Variants in ZFC3H1 observed in about 807,000 individuals in gnomAD.
ZFC3H1 encodes zinc finger C3H1 domain-containing protein.
Under a neutral mutation model 243.7 loss-of-function variants are expected in ZFC3H1, and 71 were observed. That is an observed-to-expected ratio of 0.29 (90% confidence interval 0.24 to 0.36). ZFC3H1 has a LOEUF of 0.36. Among genes scored for constraint, ZFC3H1 ranks in the 10% least tolerant of loss-of-function variants. The probability of loss-of-function intolerance (pLI) is 1.00; values close to 1 mark genes in which losing one functional copy is unlikely to be tolerated. For missense variants in ZFC3H1, 1,966 were observed against 2,317.1 expected (o/e 0.85, Z 3.11); for synonymous variants, 838 against 813.0 (o/e 1.03, Z -0.52).
chr12:71,653,327 A>C (rs1159015413), intron 2 of ZFC3H1, among the ~76,000 whole-genome samples: 1 of 152,228 alleles, frequency 6.6e-6, no homozygotes, highest in Non-Finnish European at 1.5e-5. Context: ...AAGATGTATC[A>C]GAGGAAATTT....
At chr12:71,614,294 T>C (rs1339342454) in intron 30 of ZFC3H1, among the ~76,000 whole-genome samples, 2 of 152,064 alleles carry the variant, frequency 1.3e-5, no homozygotes, top group Non-Finnish European at 2.9e-5. Flanking sequence ...TTCATTTTGC[T>C]TCAAATGTTA....
chr12:71,654,954 G>A (rs1354544860), intron 2 of ZFC3H1, among the ~76,000 whole-genome samples: 1 of 152,046 alleles, frequency 6.6e-6, no homozygotes, highest in Non-Finnish European at 1.5e-5. Context: ...ACTACATAAT[G>A]ACTCAATTAC....
At position 71,619,922 on chromosome 12, in the gene ZFC3H1, T is replaced by G; in HGVS notation, c.5049+4A>C. 1.3e-6 allele frequency: 2 copies of G among 1,575,484 alleles called. No individual in the cohort carries two copies. The highest frequency in any genetic ancestry group is 2.3e-5 in the South Asian group (2 of 85,732). ...CATATTTAAGAATTATGCATCATTT[T>G]TACCTGTAAGATGAAGAATTTGCAC... On this transcript the variant is annotated splice_donor_region_variant and intron_variant, in intron 26 of 34. Transcript: ENST00000378743.
At chr12:71,633,105 T>C in intron 13 of ZFC3H1, 88 bp from the exon 14 acceptor site, 1 of 1,435,292 alleles carries the variant, frequency 7.0e-7, no homozygotes, top group Non-Finnish European at 9.3e-7. Flanking sequence ...CTTTTGAGCA[T>C]TCAACTGAAA....
Position 71,663,159 on chromosome 12 carries a change from T to G in ZFC3H1, c.452A>C (p.Tyr151Ser). 1 of 1,613,966 alleles carries G rather than the reference T, an allele frequency of 6.2e-7. No individual in the cohort carries two copies. The highest frequency in any genetic ancestry group is 8.5e-7 in the Non-Finnish European group (1 of 1,179,980). Residue 151 changes from tyrosine to serine, a missense_variant, in exon 1 of 35, where the codon TAC (tyrosine) becomes TCC (serine). Physicochemically the swap from Tyr to Ser is moderately radical, Grantham distance 144 (BLOSUM62 -2). Transcript: ENST00000378743. ...LDRFRFRGRP[Y>S]RGGSRWSRGR... is the part of the protein sequence containing the mutation. ...CCGACTCCAGCGACTCCCACCCCGG[T>G]AAGGCCTGCCTCGAAAGCGGAAACG...
intron 15 of ZFC3H1, 39 bp from the exon 16 acceptor site, chr12:71,631,926 C>G (rs372991527): frequency 1.2e-6 from 2 of 1,605,810 alleles, no homozygotes; most frequent in South Asian, 1.1e-5. Context: ...GCAAATAAGG[C>G]TGGGTGAATT....
chr12:71,613,990 ATTT>A (rs1592582044), intron 30 of ZFC3H1, among the ~76,000 whole-genome samples: 2 of 152,140 alleles, frequency 1.3e-5, no homozygotes, highest in East Asian at 3.9e-4. Context: ...CTGAAAAAAA[ATTT>A]TTTTAAAAGA....
intron 24 of ZFC3H1, among the ~76,000 whole-genome samples, chr12:71,620,682 T>C (rs1397420413): frequency 6.6e-6 from 1 of 152,234 alleles, no homozygotes; most frequent in African/African-American, 2.4e-5. Flanking sequence ...CATCTTTCCC[T>C]GACCACTGCA....
At chr12:71,637,746 G>GT (rs1248130876) in intron 7 of ZFC3H1, among the ~76,000 whole-genome samples, 11 of 151,976 alleles carry the variant, frequency 7.2e-5, no homozygotes, top group African/African-American at 2.4e-4. Flanking sequence ...CACCATATAT[G>GT]TTCTAGAAAG....
At chr12:71,611,727 A>G in intron 32 of ZFC3H1, 59 bp downstream of exon 32, 1 of 984,444 alleles carries the variant, frequency 1.0e-6, no homozygotes. Flanking sequence ...ACCTGTCTGG[A>G]GCAAACCTTA....
At chr12:71,622,390 CTATAA>C (rs1880052918) in intron 24 of ZFC3H1, among the ~76,000 whole-genome samples, 1 of 152,148 alleles carries the variant, frequency 6.6e-6, no homozygotes. Context: ...TCATGCCAAT[CTATAA>C]TAATCTCTTC....
chr12:71,620,992 C>T (rs140656131), intron 24 of ZFC3H1, among the ~76,000 whole-genome samples: 51 of 152,308 alleles, frequency 3.3e-4, no homozygotes, highest in African/African-American at 1.2e-3. Flanking sequence ...CTCACCTCTA[C>T]CTTCATTTTA....
In ZFC3H1 at chr12:71,627,940, T is replaced by A; in HGVS notation, c.3947-6A>T. 2 of 1,599,988 alleles carry A rather than the reference T, an allele frequency of 1.3e-6. No individual in the cohort carries two copies. Among genetic ancestry groups the A allele is most frequent in the Admixed American group, 1.7e-5 (1 of 57,494 alleles). On this transcript the variant is annotated splice_polypyrimidine_tract_variant and splice_region_variant and intron_variant, in intron 20 of 34. Transcript: ENST00000378743. ...TTGGTTCTCTGGCTGGAAAGCTATT[T>A]AAAAAAAAAGTATTATTAGCTTCAC...
At chr12:71,658,934 A>C (rs1881091842) in intron 1 of ZFC3H1, among the ~76,000 whole-genome samples, 1 of 152,168 alleles carries the variant, frequency 6.6e-6, no homozygotes, top group African/African-American at 2.4e-5. Context: ...AAGTTTCCCT[A>C]TCAATGTTTT....
At chr12:71,658,282 A>ATTTTTTTTTTTTTTTTTTTT (rs11454442) in intron 1 of ZFC3H1, among the ~76,000 whole-genome samples, 1 of 92,800 alleles carries the variant, frequency 1.1e-5, no homozygotes. Flanking sequence ...TCATTTATAG[A>ATTTTTTTTTTTTTTTTTTTT]TTTTTTTTTT....
In ZFC3H1 at chr12:71,627,825, T is replaced by C. The variant is rs1166675014; in HGVS notation, c.4056A>G (p.Ala1352=). 6.2e-7 allele frequency: 1 copy of C among 1,613,818 alleles called. No homozygotes were observed. Among genetic ancestry groups the C allele is most frequent in the Non-Finnish European group, 8.5e-7 (1 of 1,179,904 alleles). The change falls in exon 21 of 35, where the codon GCA becomes GCG. Residue 1352 remains alanine, a synonymous_variant. Coordinates refer to ENST00000378743, the MANE Select transcript of ZFC3H1 (RefSeq NM_144982.5). The stretch of plus-strand genomic sequence containing the variant: ...CATGAGAAGGATTTTCAAGCACACT[T>C]GCTTCTAAATTAGCGATGTCATCAG... The part of the protein sequence containing the change: ...NETDDIANLE[A]SVLENPSHVQ...
At position 71,656,977 on chromosome 12, in the gene ZFC3H1, A is replaced by C. The variant is rs1324391892; in HGVS notation, c.923T>G (p.Leu308Trp). The C allele has an allele frequency of 1.2e-6, 2 of 1,613,902 alleles. No homozygotes were observed. Among genetic ancestry groups the C allele is most frequent in the Admixed American group, 1.7e-5 (1 of 60,020 alleles). The change falls in exon 2 of 35, where the codon TTG becomes TGG. Residue 308 changes from leucine (L) to tryptophan (W), a missense_variant. Coordinates refer to ENST00000378743, the MANE Select transcript of ZFC3H1 (RefSeq NM_144982.5). ...ACGGTTCTTATCTCCTGGTAAAGTC[A>C]ATTTTTGCCTGAGTGGTTTTAATTC... Reference protein sequence around the residue: ...AFELKPLRQKLTLPGDKNRLK... With the variant: ...AFELKPLRQKWTLPGDKNRLK...
intron 27 of ZFC3H1, among the ~76,000 whole-genome samples, chr12:71,618,297 C>CA (rs1056945540): frequency 2.7e-5 from 4 of 148,946 alleles, no homozygotes; most frequent in South Asian, 4.3e-4. Context: ...AAAACAAAAA[C>CA]AAAAAACAAG....
intron 19 of ZFC3H1, among the ~76,000 whole-genome samples, chr12:71,629,330 C>T (rs1347662086): frequency 6.6e-6 from 1 of 151,788 alleles, no homozygotes; most frequent in Non-Finnish European, 1.5e-5. Context: ...CACCACCCGG[C>T]TAATTTTTCT....
Sources: gnomAD v4.1 joint callset for allele counts (sites outside exome capture counted in the v4.1 genomes callset) on GRCh38, gnomAD v4.1.1 for gene constraint, MANE v1.5 for transcripts, NCBI Gene and HGNC (gene_info 2026-07-23, HGNC 2026-07-21) for gene names.